The following AKAP6 variants were observed in gnomAD, a reference collection of about 807,000 sequenced individuals.
The protein encoded by AKAP6 is A-kinase anchoring protein 6.
In AKAP6, 58 loss-of-function variants were observed where a neutral mutation model predicts 188.5. That is an observed-to-expected ratio of 0.31 (90% CI 0.25 to 0.38). The LOEUF (loss-of-function observed/expected upper bound fraction) is 0.38, where lower values mean the gene tolerates loss of function less well. Among genes scored for constraint, AKAP6 ranks in the 10% least tolerant of loss-of-function variants. AKAP6 has a pLI of 1.00. For synonymous variants in AKAP6, 989 were observed against 998.6 expected, an observed-to-expected ratio of 0.99 and a Z score of 0.18; for missense variants, 2,710 against 2,740.0, an observed-to-expected ratio of 0.99 and a Z score of 0.24.
At chr14:32,352,071 C>CTGTGTGTG (rs147604276) in intron 1 of AKAP6, among the ~76,000 whole-genome samples, 24 of 134,084 alleles carry the variant, frequency 1.8e-4, no homozygotes, top group Middle Eastern at 3.6e-3. Context: ...TTGGGAGACC[C>CTGTGTGTG]TGTGTGTGTG....
At chr14:32,443,433 A>AC (rs1362239794) in intron 2 of AKAP6, among the ~76,000 whole-genome samples, 2 of 151,514 alleles carry the variant, frequency 1.3e-5, no homozygotes, top group East Asian at 2.0e-4. Context: ...AAACAAAAAA[A>AC]CCCCACACAA....
intron 1 of AKAP6, among the ~76,000 whole-genome samples, chr14:32,357,713 A>C (rs1215392527): frequency 6.6e-6 from 1 of 152,236 alleles, no homozygotes; most frequent in Non-Finnish European, 1.5e-5. Flanking sequence ...ATCCACCTTT[A>C]GGAAATTGTC....
rs71115071 is a variant in AKAP6, at chr14:32,453,575, C to CTTTTTTTTTTTTTTTT, written c.324+19782_324+19797dup. Among the ~76,000 whole-genome samples the CTTTTTTTTTTTTTTTT allele has an allele frequency of 4.1e-4, 39 of 95,354 alleles. 7 individuals are homozygous for CTTTTTTTTTTTTTTTT. The highest frequency in any genetic ancestry group is 7.5e-4 in the Non-Finnish European group (35 of 46,566). The allele number at this position is 95,354 out of a possible 152,430, so 62.6% of individuals were successfully genotyped here. A position where few individuals can be genotyped will look rare whatever the true frequency, so the allele number is the denominator to read the frequency against. ...GTGGAGATAATAGAATTTTTCTTTT[C>CTTTTTTTTTTTTTTTT]TTTTTTTTTTTTTTTTTTTTTTTTT... is the stretch of plus-strand genomic sequence containing the variant. On this transcript the variant is annotated intron_variant, in intron 2 of 13. Transcript: ENST00000280979.
In AKAP6 at chr14:32,647,110, G is replaced by T. The variant is rs556185408; in HGVS notation, c.2731-31201G>T. ...AGAACCATTAGTAATCTTGACAAGT[G>T]CATGCTGTTTAAATACCAGGAATAG... On this transcript the variant is annotated intron_variant, in intron 7 of 13. Transcript: ENST00000280979. 6.4e-4 allele frequency among the ~76,000 whole-genome samples: 97 copies of T among 152,186 alleles called. 2 individuals carry two copies. Among genetic ancestry groups the T allele is most frequent in the South Asian group, 2.3e-3 (11 of 4,820 alleles).
intron 1 of AKAP6, among the ~76,000 whole-genome samples, chr14:32,369,604 A>G (rs1378324106): frequency 1.5e-4 from 23 of 152,218 alleles, no homozygotes; most frequent in Admixed American, 1.5e-3. Context: ...TGCACAGTAC[A>G]TTTATTAAAT....
intron 2 of AKAP6, among the ~76,000 whole-genome samples, chr14:32,491,355 C>T (rs1218713034): frequency 6.6e-6 from 1 of 152,180 alleles, no homozygotes; most frequent in African/African-American, 2.4e-5. Flanking sequence ...TATAATTTGT[C>T]TGAGTTATTG....
intron 7 of AKAP6, chr14:32,627,956 T>C (rs1566613334): frequency 6.6e-6 from 1 of 152,166 alleles, no homozygotes; most frequent in East Asian, 1.9e-4. Flanking sequence ...CTAAAATTTC[T>C]GCCAATTATA....
intron 12 of AKAP6, among the ~76,000 whole-genome samples, chr14:32,813,713 G>A (rs1431018640): frequency 2.6e-5 from 4 of 152,082 alleles, no homozygotes; most frequent in Non-Finnish European, 5.9e-5. Context: ...TGAACCTGAA[G>A]TTACAGTAAG....
At chr14:32,732,107 A>G (rs1002814901) in intron 9 of AKAP6, among the ~76,000 whole-genome samples, 2 of 152,144 alleles carry the variant, frequency 1.3e-5, no homozygotes. Context: ...TGAGAGGTGG[A>G]CAGCACTCTG....
chr14:32,795,802 A>G (rs1048810311), intron 12 of AKAP6, among the ~76,000 whole-genome samples: 4 of 152,218 alleles, frequency 2.6e-5, no homozygotes, highest in African/African-American at 9.6e-5. Context: ...GGCAAGAGAA[A>G]GAAATAAAGG....
At chr14:32,625,226 C>T (rs1886969702) in intron 7 of AKAP6, among the ~76,000 whole-genome samples, 1 of 152,040 alleles carries the variant, frequency 6.6e-6, no homozygotes, top group African/African-American at 2.4e-5. Flanking sequence ...CTGGAAACTC[C>T]TTGAACAGTT....
intron 2 of AKAP6, among the ~76,000 whole-genome samples, chr14:32,453,643 C>T (rs1891019199): frequency 8.1e-6 from 1 of 123,626 alleles, no homozygotes; most frequent in Non-Finnish European, 1.6e-5. Flanking sequence ...GTCGCCCAGG[C>T]GGGAGTGCAG....
At chr14:32,764,625 A>G (rs1461422383) in intron 11 of AKAP6, among the ~76,000 whole-genome samples, 1 of 152,032 alleles carries the variant, frequency 6.6e-6, no homozygotes, top group African/African-American at 2.4e-5. Flanking sequence ...TTAGCTGTGT[A>G]CCTATGGTCA....
At chr14:32,580,800 G>A (rs1196380735) in intron 5 of AKAP6, among the ~76,000 whole-genome samples, 1 of 151,816 alleles carries the variant, frequency 6.6e-6, no homozygotes, top group Non-Finnish European at 1.5e-5. Context: ...GACAACATGC[G>A]GTGTTCGTTT....
chr14:32,548,539 T>C (rs1594733784), intron 4 of AKAP6, among the ~76,000 whole-genome samples: 2 of 136,642 alleles, frequency 1.5e-5, no homozygotes, highest in Admixed American at 1.5e-4. Context: ...AATAGATAGA[T>C]AGATAGATAG....
At chr14:32,636,598 T>C (rs139420757) in intron 7 of AKAP6, among the ~76,000 whole-genome samples, 102 of 152,102 alleles carry the variant, frequency 6.7e-4, no homozygotes, top group Middle Eastern at 3.4e-3. Flanking sequence ...GTCATAATGG[T>C]AGAGAAGGAT....
At chr14:32,430,149 T>A (rs1195411911) in intron 1 of AKAP6, among the ~76,000 whole-genome samples, 1 of 152,188 alleles carries the variant, frequency 6.6e-6, no homozygotes, top group Non-Finnish European at 1.5e-5. Flanking sequence ...TGGAGAACCA[T>A]CATTTAGTAG....
At chr14:32,462,917 A>AC (rs1331227729) in intron 2 of AKAP6, among the ~76,000 whole-genome samples, 3 of 74,250 alleles carry the variant, frequency 4.0e-5, no homozygotes, top group African/African-American at 1.5e-4. Flanking sequence ...AAAAAAAAAA[A>AC]AAAAAAAAAC....
intron 7 of AKAP6, among the ~76,000 whole-genome samples, chr14:32,612,450 A>G (rs1594782199): frequency 1.3e-5 from 2 of 152,284 alleles, no homozygotes; most frequent in East Asian, 3.9e-4. Flanking sequence ...CTCATCTTTC[A>G]TGATACTTTA....
Sources: allele counts gnomAD v4.1 joint callset (sites outside exome capture counted in the v4.1 genomes callset), GRCh38; gene constraint gnomAD v4.1.1; transcripts MANE v1.5; gene names NCBI Gene and HGNC (gene_info 2026-07-23, HGNC 2026-07-21).